TECPR2: variants seen among roughly 807,000 people sequenced by gnomAD.
TECPR2 encodes tectonin beta-propeller repeat containing 2.
In TECPR2, 65 loss-of-function variants were observed where a neutral mutation model predicts 138.1. The ratio of observed to expected loss-of-function variants is 0.47; its 90% CI spans 0.39 to 0.58. The LOEUF (loss-of-function observed/expected upper bound fraction) is 0.58, where lower values mean the gene tolerates loss of function less well. Among genes scored for constraint, TECPR2 ranks in the 20% least tolerant of loss-of-function variants. TECPR2 has a pLI of 0.00. For synonymous variants in TECPR2, 746 were observed against 749.8 expected (o/e 0.99, Z 0.08); for missense variants, 1,553 against 1,824.5 (o/e 0.85, Z 2.71).
chr14:102,380,598 A>C (rs1887778869), intron 2 of TECPR2, among the ~76,000 whole-genome samples: 1 of 152,234 alleles, frequency 6.6e-6, no homozygotes, highest in Non-Finnish European at 1.5e-5. Context: ...ACTACAATTC[A>C]AGATGAAATT....
rs60110496 is a variant in TECPR2 at position 102,407,025 on chromosome 14, A to G, written c.220-313A>G. ...CAGGCATCTGCCACCACGCCCAGCT[A>G]ATTTTTGTGTTTTTAGTAGAGACGG... On this transcript the variant is annotated intron_variant, in intron 2 of 19. Transcript: ENST00000359520. Among the ~76,000 whole-genome samples, 1,398 of 151,416 alleles carry G rather than the reference A, an allele frequency of 9.2e-3. 21 individuals carry two copies. The highest frequency in any genetic ancestry group is 0.032 in the African/African-American group (1,303 of 41,220).
chr14:102,448,220 A>G (rs984742594), intron 13 of TECPR2, among the ~76,000 whole-genome samples: 4 of 152,178 alleles, frequency 2.6e-5, no homozygotes, highest in African/African-American at 9.7e-5. Context: ...TTGGCCTCCC[A>G]AAGTGCTGGG....
intron 2 of TECPR2, among the ~76,000 whole-genome samples, chr14:102,396,645 A>G (rs943442007): frequency 2.6e-5 from 4 of 152,164 alleles, no homozygotes; most frequent in African/African-American, 9.7e-5. Context: ...GGAACTCGGA[A>G]GTCTACTGAG....
intron 2 of TECPR2, among the ~76,000 whole-genome samples, chr14:102,404,585 T>G (rs1382345157): frequency 6.6e-6 from 1 of 151,804 alleles, no homozygotes; most frequent in Non-Finnish European, 1.5e-5. Flanking sequence ...TGAAATTTTT[T>G]TTTTTTTTTG....
Position 102,376,877 on chromosome 14 carries a change from C to G in TECPR2, c.156C>G (p.Ser52Arg). The G allele has an allele frequency of 6.2e-7, 1 of 1,614,168 alleles. No homozygotes were observed. The highest frequency in any genetic ancestry group is 8.5e-7 in the Non-Finnish European group (1 of 1,180,034). ...ACGGGGACTACATCGCGGTGGGCAG[C>G]AGCATCGGCATGCTCTATCTGTACT... ...DTNGDYIAVG[S>R]SIGMLYLYCR... The change falls in exon 2 of 20, where the codon AGC becomes AGG. Residue 52 changes from serine (S) to arginine (R), a missense_variant. Ser to Arg is a moderately radical substitution (Grantham distance 110). Transcript: ENST00000359520.
chr14:102,479,784 C>T (rs1158658664), intron 17 of TECPR2, among the ~76,000 whole-genome samples: 1 of 152,258 alleles, frequency 6.6e-6, no homozygotes, highest in African/African-American at 2.4e-5. Context: ...GATCCAACCT[C>T]ACTGAGCCAG....
Position 102,498,383 on chromosome 14 carries a change from G to A in TECPR2, c.*126G>A, listed in dbSNP as rs528632770. ...AGACACCTCTGGCCAGGTTGGACCC[G>A]CACACTTACTTTCATCTATGTTGGT... On this transcript the variant is annotated 3_prime_UTR_variant, in exon 20 of 20. Transcript: ENST00000359520. The A allele has an allele frequency of 4.4e-5, 52 of 1,175,682 alleles. No individual in the cohort carries two copies. Among genetic ancestry groups the A allele is most frequent in the Admixed American group, 8.3e-5 (3 of 35,938 alleles). 72.8% of individuals were successfully genotyped at this position (1,175,682 alleles called of 1,614,324 possible). A position where few individuals can be genotyped will look rare whatever the true frequency, so the allele number is the denominator to read the frequency against.
intron 2 of TECPR2, among the ~76,000 whole-genome samples, chr14:102,377,580 C>T (rs1005945511): frequency 6.6e-5 from 10 of 152,126 alleles, no homozygotes; most frequent in Admixed American, 5.9e-4. Flanking sequence ...GTGGCATGCA[C>T]CTGTACTCCC....
intron 2 of TECPR2, among the ~76,000 whole-genome samples, chr14:102,394,184 C>T (rs1888254246): frequency 6.6e-6 from 1 of 152,128 alleles, no homozygotes; most frequent in Admixed American, 6.6e-5. Context: ...CTACCAAATC[C>T]TCTATCGCCA....
chr14:102,462,364 C>T (rs887011084), intron 16 of TECPR2, among the ~76,000 whole-genome samples: 10 of 152,084 alleles, frequency 6.6e-5, no homozygotes, highest in South Asian at 2.1e-4. Context: ...TTAAACTCCC[C>T]GGTAAAACAT....
At position 102,445,853 on chromosome 14, in the gene TECPR2, A is replaced by G; in HGVS notation, c.2981A>G (p.Gln994Arg). 6.2e-7 allele frequency: 1 copy of G among 1,613,972 alleles called. No individual in the cohort carries two copies. The highest frequency in any genetic ancestry group is 8.5e-7 in the Non-Finnish European group (1 of 1,179,992). ...GTCTGCATAACGCTCGGGGATCAGC[A>G]GACTCTCTGGGCCCTGGACATCCAT... ...EPVCITLGDQ[Q>R]TLWALDIHGN... The change falls in exon 13 of 20, where the codon CAG (glutamine) becomes CGG (arginine). Residue 994 changes from glutamine (Q) to arginine (R), a missense_variant. Gln to Arg is a conservative substitution (Grantham distance 43). Transcript: ENST00000359520.
intron 2 of TECPR2, among the ~76,000 whole-genome samples, chr14:102,383,956 T>C (rs1431630789): frequency 6.6e-6 from 1 of 151,596 alleles, no homozygotes; most frequent in East Asian, 1.9e-4. Flanking sequence ...GTTTCGCTCT[T>C]GTTGCCTAGC....
At position 102,464,384 on chromosome 14, in the gene TECPR2, C is replaced by T. The variant is rs117123787; in HGVS notation, c.3641-757C>T. ...ATAAAAATGAAGATTCTTTGGGAGA[C>T]TTAGTTTTGTTTTTTTTTGTTTTTT... On this transcript the variant is annotated intron_variant, in intron 16 of 19. Coordinates refer to ENST00000359520, the MANE Select transcript of TECPR2 (RefSeq NM_014844.5). 3.1e-3 allele frequency among the ~76,000 whole-genome samples: 473 copies of T among 152,022 alleles called. 1 individual carries two copies. The highest frequency in any genetic ancestry group is 5.4e-3 in the Non-Finnish European group (365 of 67,952).
chr14:102,441,921 G>A (rs1261365631), intron 11 of TECPR2, among the ~76,000 whole-genome samples: 1 of 152,206 alleles, frequency 6.6e-6, no homozygotes, highest in South Asian at 2.1e-4. Context: ...CAGAGGCCAC[G>A]TTGGATTTAT....
At chr14:102,456,236 T>C (rs2139760547) in intron 16 of TECPR2, among the ~76,000 whole-genome samples, 1 of 152,338 alleles carries the variant, frequency 6.6e-6, no homozygotes, top group East Asian at 1.9e-4. Context: ...GGCTTTTGCT[T>C]GTGTTGCCCC....
At chr14:102,488,197 CCTA>C (rs1032051824) in intron 17 of TECPR2, among the ~76,000 whole-genome samples, 19 of 151,822 alleles carry the variant, frequency 1.3e-4, no homozygotes, top group Admixed American at 1.2e-3. Flanking sequence ...TTTTAGATCA[CCTA>C]CTACTTTTTT....
At chr14:102,430,514 T>C (rs1416208164) in intron 7 of TECPR2, among the ~76,000 whole-genome samples, 2 of 152,224 alleles carry the variant, frequency 1.3e-5, no homozygotes, top group African/African-American at 4.8e-5. Context: ...CTGTGTCTTA[T>C]GGACTGCCAT....
At chr14:102,431,661 G>T (rs765093204) in intron 7 of TECPR2, 135 bp from the exon 8 acceptor site, 2 of 957,584 alleles carry the variant, frequency 2.1e-6, no homozygotes, top group Non-Finnish European at 3.1e-6. Context: ...TGGTTTCTAT[G>T]AATTTAGAAT....
At chr14:102,494,631 C>T (rs923732840) in intron 17 of TECPR2, among the ~76,000 whole-genome samples, 19 of 151,600 alleles carry the variant, frequency 1.3e-4, no homozygotes, top group Non-Finnish European at 2.6e-4. Flanking sequence ...AGTTCGAGAG[C>T]AGCCTCAACA....
Sources: allele counts gnomAD v4.1 joint callset (sites outside exome capture counted in the v4.1 genomes callset), GRCh38; gene constraint gnomAD v4.1.1; transcripts MANE v1.5; gene names NCBI Gene and HGNC (gene_info 2026-07-23, HGNC 2026-07-21).